Variants in CDK5RAP2 observed in about 807,000 individuals in gnomAD.
CDK5RAP2 encodes CDK5 regulatory subunit-associated protein 2.
Under a neutral mutation model 232.9 loss-of-function variants are expected in CDK5RAP2, and 147 were observed. That is an observed-to-expected ratio of 0.63 (90% CI 0.55 to 0.72). The LOEUF (loss-of-function observed/expected upper bound fraction) is 0.72, where lower values mean the gene tolerates loss of function less well. CDK5RAP2 is among the 30% of genes least tolerant of loss of function. CDK5RAP2 has a pLI of 0.00. For missense variants in CDK5RAP2, 2,195 were observed against 2,231.5 expected, an observed-to-expected ratio of 0.98 and a Z score of 0.33; for synonymous variants, 833 against 833.7, an observed-to-expected ratio of 1.00 and a Z score of 0.01.
At chr9:120,522,424 A>G (rs1272157229) in intron 11 of CDK5RAP2, among the ~76,000 whole-genome samples, 1 of 152,250 alleles carries the variant, frequency 6.6e-6, no homozygotes, top group African/African-American at 2.4e-5. Context: ...ATGGAACAAA[A>G]TACATATTAT....
Position 120,545,707 on chromosome 9 carries a change from T to C in CDK5RAP2, c.383+7A>G. ...CTTGCAAGCTTTCAACGGATGATGG[T>C]ACTCACGAGGCTTTGATGAGCAGCT... On this transcript the variant is annotated splice_region_variant and intron_variant, in intron 5 of 37. Transcript: ENST00000349780. The C allele has an allele frequency of 6.2e-7, 1 of 1,610,186 alleles. No individual in the cohort carries two copies. The highest frequency in any genetic ancestry group is 8.5e-7 in the Non-Finnish European group (1 of 1,176,418).
chr9:120,477,618 G>A (rs2038085727), intron 14 of CDK5RAP2, among the ~76,000 whole-genome samples, 168 bp from the exon 15 acceptor site: 1 of 152,172 alleles, frequency 6.6e-6, no homozygotes, highest in Admixed American at 6.5e-5. Flanking sequence ...ACCACCTTCA[G>A]GAGGAGTGGG....
chr9:120,456,497 G>T (rs1400717258), intron 20 of CDK5RAP2, among the ~76,000 whole-genome samples: 7 of 152,156 alleles, frequency 4.6e-5, no homozygotes, highest in Non-Finnish European at 8.8e-5. Context: ...ATCTAGATGG[G>T]GGCAGAGTCA....
intron 14 of CDK5RAP2, among the ~76,000 whole-genome samples, chr9:120,483,240 A>C (rs2038420575): frequency 6.6e-6 from 1 of 152,206 alleles, no homozygotes; most frequent in Non-Finnish European, 1.5e-5. Context: ...CCCCTGCCTC[A>C]CCTGAGAACT....
Position 120,474,033 on chromosome 9 carries a change from G to T in CDK5RAP2, c.1728-2155C>A, listed in dbSNP as rs190576169. ...ACAGGAGCAGAAACAAGGAGTTAGA[G>T]AGATCGAAGCTCAAAATAGCACGCC... On this transcript the variant is annotated intron_variant, in intron 15 of 37. Transcript: ENST00000349780. 1.7e-3 allele frequency among the ~76,000 whole-genome samples: 255 copies of T among 152,330 alleles called. 3 individuals are homozygous for T. The South Asian group carries it at 0.018, about 11-fold the overall frequency.
chr9:120,520,892 G>A (rs1405427377), intron 11 of CDK5RAP2, among the ~76,000 whole-genome samples: 1 of 151,422 alleles, frequency 6.6e-6, no homozygotes, highest in Non-Finnish European at 1.5e-5. Context: ...CATATGAACT[G>A]TATCTCATAT....
intron 12 of CDK5RAP2, among the ~76,000 whole-genome samples, chr9:120,507,950 TATATA>T (rs1190193100): frequency 8.5e-6 from 1 of 118,288 alleles, no homozygotes; most frequent in Non-Finnish European, 1.7e-5. Context: ...AAAATATATA[TATATA>T]TATATATATA....
At chr9:120,459,653 T>C (rs974775823) in intron 19 of CDK5RAP2, among the ~76,000 whole-genome samples, 6 of 152,214 alleles carry the variant, frequency 3.9e-5, no homozygotes, top group Non-Finnish European at 8.8e-5. Context: ...AAAGGAAGTA[T>C]TACTATCCTC....
chr9:120,430,740 G>A (rs201414752), intron 25 of CDK5RAP2, among the ~76,000 whole-genome samples: 1 of 151,292 alleles, frequency 6.6e-6, no homozygotes, highest in African/African-American at 2.4e-5. Flanking sequence ...AATACCATTT[G>A]ACCCAGCCAT....
chr9:120,533,220 T>C (rs1247417623), intron 7 of CDK5RAP2, among the ~76,000 whole-genome samples: 2 of 152,106 alleles, frequency 1.3e-5, no homozygotes, highest in South Asian at 2.1e-4. Context: ...GAGAGCACCA[T>C]AGAAGCAGGA....
intron 4 of CDK5RAP2, 23 bp from the exon 5 acceptor site, chr9:120,545,813 A>T: frequency 6.3e-7 from 1 of 1,590,634 alleles, no homozygotes; most frequent in Non-Finnish European, 8.6e-7. Flanking sequence ...ATTAAGAAAG[A>T]AAAGAAACAA....
intron 21 of CDK5RAP2, among the ~76,000 whole-genome samples, chr9:120,448,902 C>T (rs1342263862): frequency 6.6e-6 from 1 of 152,162 alleles, no homozygotes; most frequent in Non-Finnish European, 1.5e-5. Context: ...TTAGTTCTCA[C>T]CTAAGTCATG....
chr9:120,462,011 C>G (rs2037118445), intron 18 of CDK5RAP2, among the ~76,000 whole-genome samples: 1 of 152,186 alleles, frequency 6.6e-6, no homozygotes, highest in African/African-American at 2.4e-5. Flanking sequence ...CAGCCCAACT[C>G]TCTGTTTTTC....
At chr9:120,502,143 A>G (rs555411851) in intron 12 of CDK5RAP2, among the ~76,000 whole-genome samples, 4 of 152,336 alleles carry the variant, frequency 2.6e-5, no homozygotes, top group East Asian at 3.9e-4. Context: ...CACTTAACGT[A>G]TATCTAATAC....
chr9:120,515,452 T>C (rs546916515), intron 12 of CDK5RAP2, among the ~76,000 whole-genome samples: 1 of 152,338 alleles, frequency 6.6e-6, no homozygotes, highest in East Asian at 1.9e-4. Context: ...AACATTTTCA[T>C]CTCCCTTAGA....
chr9:120,522,322 A>G (rs937252100), intron 11 of CDK5RAP2, among the ~76,000 whole-genome samples: 2 of 152,260 alleles, frequency 1.3e-5, no homozygotes, highest in East Asian at 3.8e-4. Flanking sequence ...ATGTAAATCC[A>G]CAATTATCTC....
intron 8 of CDK5RAP2, 200 bp from the exon 9 acceptor site, chr9:120,528,997 A>T: frequency 1.6e-6 from 1 of 613,872 alleles, no homozygotes; most frequent in East Asian, 2.8e-5. Context: ...GAAGACAACA[A>T]CCTACCCTGG....
intron 3 of CDK5RAP2, among the ~76,000 whole-genome samples, chr9:120,563,955 C>T (rs1259743019): frequency 3.9e-5 from 6 of 152,138 alleles, no homozygotes; most frequent in African/African-American, 1.4e-4. Flanking sequence ...GGCAGGTGGG[C>T]ATAAGATAAG....
intron 12 of CDK5RAP2, among the ~76,000 whole-genome samples, chr9:120,507,946 T>C (rs200339903): frequency 3.2e-5 from 1 of 31,632 alleles, no homozygotes; most frequent in African/African-American, 8.5e-5. Flanking sequence ...AAAAAAAATA[T>C]ATATATATAT....
Sources: gnomAD v4.1 joint callset for allele counts (sites outside exome capture counted in the v4.1 genomes callset) on GRCh38, gnomAD v4.1.1 for gene constraint, MANE v1.5 for transcripts, NCBI Gene and HGNC (gene_info 2026-07-23, HGNC 2026-07-21) for gene names.